TMEFF2: variants seen among roughly 807,000 people sequenced by gnomAD.
TMEFF2 encodes the protein transmembrane protein with EGF like and two follistatin like domains 2.
In TMEFF2, 28 loss-of-function variants were observed where a neutral mutation model predicts 53.8. The ratio of observed to expected loss-of-function variants is 0.52; its 90% CI spans 0.39 to 0.71. The LOEUF (loss-of-function observed/expected upper bound fraction) is 0.71. TMEFF2 is among the 30% of genes least tolerant of loss of function. The pLI is 0.00. For missense variants in TMEFF2, 353 were observed against 455.2 expected (o/e 0.78, Z 2.04); for synonymous variants, 162 against 166.3 (o/e 0.97, Z 0.20).
chr2:191,972,308 CTTTTTTTTTTTTTTT>C (rs764218539), intron 7 of TMEFF2, among the ~76,000 whole-genome samples: 1 of 72,830 alleles, frequency 1.4e-5, no homozygotes, highest in Non-Finnish European at 2.6e-5. Context: ...TCATGCCCAG[CTTTTTTTTTTTTTTT>C]TTTTTTTTTT....
At chr2:192,130,957 G>A (rs1486813677) in intron 4 of TMEFF2, among the ~76,000 whole-genome samples, 6 of 151,676 alleles carry the variant, frequency 4.0e-5, no homozygotes, top group African/African-American at 1.5e-4. Flanking sequence ...TTGCAGGGAC[G>A]CCTGATTATT....
chr2:192,049,151 C>CTCTGTG (rs35695147), intron 5 of TMEFF2, among the ~76,000 whole-genome samples: 1 of 114,060 alleles, frequency 8.8e-6, no homozygotes, highest in Non-Finnish European at 1.9e-5. Context: ...TACATTTGGT[C>CTCTGTG]TATGTGTGTG....
At chr2:192,037,338 A>AAGAAAAG (rs1559096595) in intron 5 of TMEFF2, among the ~76,000 whole-genome samples, 4 of 147,608 alleles carry the variant, frequency 2.7e-5, no homozygotes, top group African/African-American at 5.0e-5. Context: ...AGAAAGAAAA[A>AAGAAAAG]CAGAAAACAG....
At chr2:191,965,800 A>AT (rs1692452881) in intron 7 of TMEFF2, among the ~76,000 whole-genome samples, 1 of 152,036 alleles carries the variant, frequency 6.6e-6, no homozygotes, top group African/African-American at 2.4e-5. Context: ...CATCCTTGGC[A>AT]TTATTTCCTC....
chr2:192,148,102 G>A (rs1302029031), intron 4 of TMEFF2, among the ~76,000 whole-genome samples: 1 of 152,002 alleles, frequency 6.6e-6, no homozygotes, highest in East Asian at 1.9e-4. Flanking sequence ...CTTACATTTA[G>A]GTTGCACAGA....
chr2:192,136,104 G>T (rs1012751408), intron 4 of TMEFF2, among the ~76,000 whole-genome samples: 4 of 152,050 alleles, frequency 2.6e-5, no homozygotes, highest in East Asian at 1.9e-4. Flanking sequence ...ACACAGACGC[G>T]CATGAAAGAG....
At chr2:192,157,402 T>C (rs895542379) in intron 4 of TMEFF2, among the ~76,000 whole-genome samples, 2 of 152,038 alleles carry the variant, frequency 1.3e-5, no homozygotes, top group Admixed American at 1.3e-4. Flanking sequence ...ATATCTTAAA[T>C]AAGTTAATGT....
chr2:192,118,650 T>C (rs1387924446), intron 4 of TMEFF2, among the ~76,000 whole-genome samples: 1 of 152,162 alleles, frequency 6.6e-6, no homozygotes, highest in Non-Finnish European at 1.5e-5. Flanking sequence ...TTTCAGCTTT[T>C]AAAAAATTAT....
Position 192,074,544 on chromosome 2 carries a change from G to A in TMEFF2, c.440-16769C>T, listed in dbSNP as rs189937586. On this transcript the variant is annotated intron_variant, in intron 4 of 9. Transcript: ENST00000272771. ...AACAAAACAAGTCTTTTAAAAAATG[G>A]AAATCAAATGTTCTAGGTTTGTATT... Among the ~76,000 whole-genome samples, 498 of 151,880 alleles carry A rather than the reference G, an allele frequency of 3.3e-3. 2 individuals are homozygous for A. The highest frequency in any genetic ancestry group is 5.2e-3 in the Non-Finnish European group (353 of 67,846).
chr2:192,122,151 G>C (rs544513771), intron 4 of TMEFF2, among the ~76,000 whole-genome samples: 1 of 152,050 alleles, frequency 6.6e-6, no homozygotes, highest in Non-Finnish European at 1.5e-5. Flanking sequence ...GGTGTCATAT[G>C]TGCCCCATAT....
intron 4 of TMEFF2, among the ~76,000 whole-genome samples, chr2:192,117,548 C>T (rs943487598): frequency 9.9e-5 from 15 of 152,034 alleles, no homozygotes; most frequent in African/African-American, 3.4e-4. Flanking sequence ...GGTCTGGAGG[C>T]AGAGAACCTA....
intron 5 of TMEFF2, among the ~76,000 whole-genome samples, chr2:192,008,602 G>T (rs978512101): frequency 6.6e-6 from 1 of 152,120 alleles, no homozygotes; most frequent in Admixed American, 6.5e-5. Flanking sequence ...GACTGGATGG[G>T]TCTTTATACA....
At chr2:192,047,426 G>C (rs558922284) in intron 5 of TMEFF2, among the ~76,000 whole-genome samples, 2 of 152,034 alleles carry the variant, frequency 1.3e-5, no homozygotes, top group African/African-American at 4.8e-5. Flanking sequence ...ATATAATTTT[G>C]ATTGTAGAAA....
intron 4 of TMEFF2, among the ~76,000 whole-genome samples, chr2:192,138,188 A>G (rs1159180723): frequency 1.3e-5 from 2 of 152,214 alleles, no homozygotes; most frequent in African/African-American, 2.4e-5. Context: ...AGTTACTACA[A>G]TGTGTTAGGA....
At chr2:191,960,046 A>AT (rs1218577831) in intron 7 of TMEFF2, among the ~76,000 whole-genome samples, 1 of 151,836 alleles carries the variant, frequency 6.6e-6, no homozygotes, top group Non-Finnish European at 1.5e-5. Context: ...AACTTTTTGT[A>AT]TTTTTTAGCA....
chr2:192,084,205 T>A lies in TMEFF2; in HGVS notation c.440-26430A>T, dbSNP rs1273807471. 2.0e-5 allele frequency among the ~76,000 whole-genome samples: 3 copies of A among 152,312 alleles called. No individual in the cohort carries two copies. The East Asian group carries it at 5.8e-4, about 29-fold the overall frequency. ...GCTGTCTGTAACCATCTTTTGTGCTTCTGCTTTGATTTGGAAGGCTGATTT... is the reference window on the plus strand; with the variant it reads ...GCTGTCTGTAACCATCTTTTGTGCTACTGCTTTGATTTGGAAGGCTGATTT... On this transcript the variant is annotated intron_variant, in intron 4 of 9. Transcript: ENST00000272771.
chr2:191,969,984 C>G (rs1692587882), intron 7 of TMEFF2, among the ~76,000 whole-genome samples: 1 of 151,978 alleles, frequency 6.6e-6, no homozygotes, highest in Admixed American at 6.6e-5. Context: ...CAGTATAAGC[C>G]CTGAAGAATT....
intron 2 of TMEFF2, among the ~76,000 whole-genome samples, chr2:192,185,818 T>C (rs760232702): frequency 9.9e-5 from 15 of 152,078 alleles, no homozygotes; most frequent in Non-Finnish European, 1.5e-4. Context: ...ATAACAAATT[T>C]AAATGTCAAT....
chr2:191,998,147 T>G, intron 7 of TMEFF2, 115 bp downstream of exon 7: 2 of 788,618 alleles, frequency 2.5e-6, no homozygotes, highest in Non-Finnish European at 4.0e-6. Flanking sequence ...AAGAGAAGGC[T>G]AGCACATGTT....
Sources: allele counts gnomAD v4.1 joint callset (sites outside exome capture counted in the v4.1 genomes callset), GRCh38; gene constraint gnomAD v4.1.1; transcripts MANE v1.5; gene names NCBI Gene and HGNC (gene_info 2026-07-23, HGNC 2026-07-21).